SRPRA: variants seen among roughly 807,000 people sequenced by gnomAD.
SRPRA encodes SRP receptor subunit alpha, also known as signal recognition particle receptor subunit alpha.
A neutral mutation model predicts 61.1 loss-of-function variants in SRPRA; 30 were observed. The observed-to-expected ratio is 0.49, with a 90% CI of 0.37 to 0.67. The LOEUF is 0.67. SRPRA is among the 30% of genes least tolerant of loss of function. SRPRA has a pLI of 0.00. For missense variants in SRPRA, 759 were observed against 828.4 expected, an observed-to-expected ratio of 0.92 and a Z score of 1.03; for synonymous variants, 324 against 299.7, an observed-to-expected ratio of 1.08 and a Z score of -0.84.
the SRPRA span, among the ~76,000 whole-genome samples, chr11:126,255,636 A>C: frequency 1.3e-5 from 2 of 152,318 alleles, no homozygotes; most frequent in South Asian, 4.1e-4. The surrounding 1 kb of genome is among the most constrained non-coding windows in gnomAD (Gnocchi z 4.6). Context: ...ATTAAGATAT[A>C]TGAAGACCTA....
chr11:126,267,420 A>G lies in SRPRA; in HGVS notation c.366-85T>C. The G allele has an allele frequency of 6.3e-7, 1 of 1,590,018 alleles. No homozygotes were observed. The highest frequency in any genetic ancestry group is 8.6e-7 in the Non-Finnish European group (1 of 1,166,314). On this transcript the variant is annotated intron_variant, in intron 3 of 13. Transcript: ENST00000332118. This position sits in a 1 kb window ranked among gnomAD's most constrained non-coding sequence, Gnocchi z 4.2. ...CAGAGAAAGGACTCTCACACCCAAG[A>G]GGACAATGAGAACTGGGTAGCAAAT...
rs903027040 is a variant in SRPRA at position 126,263,271 on chromosome 11, A to G, written c.*645T>C. The G allele has an allele frequency of 6.6e-6, 1 of 152,584 alleles. No individual in the cohort carries two copies. The highest frequency in any genetic ancestry group is 1.9e-4 in the East Asian group (1 of 5,192). 9.5% of individuals were successfully genotyped at this position (152,584 alleles called of 1,614,324 possible). On this transcript the variant is annotated 3_prime_UTR_variant, in exon 14 of 14. Transcript: ENST00000332118. ...TTGGGAGGCCAAGAAGCCCAATGCA[A>G]CGCTGCAGCTGAGCTCCTTTTATTT...
the SRPRA span, among the ~76,000 whole-genome samples, chr11:126,239,085 G>T: frequency 6.7e-6 from 1 of 149,106 alleles, no homozygotes; most frequent in Non-Finnish European, 1.5e-5. Flanking sequence ...TGATCCTCCC[G>T]TGAACTTAGC....
chr11:126,266,803 C>A lies in SRPRA; in HGVS notation c.646G>T (p.Glu216Ter). 2.5e-6 allele frequency: 4 copies of A among 1,614,160 alleles called. No individual in the cohort carries two copies. The highest frequency in any genetic ancestry group is 3.4e-6 in the Non-Finnish European group (4 of 1,180,036). ...CCCCTCCCATGCTTCTGAATGAACT[C>A]CTCGCGCTTCCTGCGGATCAGCTCC... The part of the protein sequence containing the change: ...KEELIRRKRE[E>*]FIQKHGRGME... Residue 216 changes from glutamate to a stop codon, truncating the protein, a stop_gained, in exon 5 of 14, where the codon GAG (glutamate) becomes TAG (stop). Transcript: ENST00000332118. LOFTEE classifies it high-confidence loss of function.
At position 126,266,611 on chromosome 11, in the gene SRPRA, A is replaced by G. The variant is rs1950814372; in HGVS notation, c.705T>C (p.Asp235=). The G allele has an allele frequency of 6.2e-7, 1 of 1,614,004 alleles. No homozygotes were observed. Residue 235 remains aspartate (D), a synonymous_variant, in exon 6 of 14, where the codon GAT becomes GAC. Coordinates refer to ENST00000332118, the MANE Select transcript of SRPRA (RefSeq NM_003139.4). ...CTTTTTTGCCCTTCTCCTTTGGAGC[A>G]TCTGACTTCGTGGACTTGCTGCAAC... ...MEKSNKSTKS[D]APKEKGKKAP...
At chr11:126,254,582 C>A in the SRPRA span, 1 of 1,107,776 alleles carries the variant, frequency 9.0e-7, no homozygotes, top group Non-Finnish European at 1.3e-6. Context: ...CCTATAATCC[C>A]AACACTTTGG....
At chr11:126,237,621 G>T in the SRPRA span, among the ~76,000 whole-genome samples, 5 of 142,102 alleles carry the variant, frequency 3.5e-5, no homozygotes, top group Non-Finnish European at 6.1e-5. Flanking sequence ...CAGATCGTGA[G>T]GTCAGGAGAT....
rs1950792123 is a variant in SRPRA at position 126,265,526 on chromosome 11, C to A, written c.1139-86G>T. The A allele has an allele frequency of 1.4e-6, 2 of 1,452,962 alleles. No individual in the cohort carries two copies. Among genetic ancestry groups the A allele is most frequent in the African/African-American group, 1.4e-5 (1 of 70,994 alleles). 90.0% of individuals were successfully genotyped at this position (1,452,962 alleles called of 1,614,324 possible). On this transcript the variant is annotated intron_variant, in intron 9 of 13. Coordinates refer to ENST00000332118, the MANE Select transcript of SRPRA (RefSeq NM_003139.4). The surrounding 1 kb of genome is among the most constrained non-coding windows in gnomAD (Gnocchi z 6.3). ...CTAACACCTTTCTGAGCTAAGGGGA[C>A]TAAAACAGTAAATTAGACTCTTGTC...
the SRPRA span, among the ~76,000 whole-genome samples, chr11:126,246,741 T>G: frequency 8.5e-5 from 13 of 152,218 alleles, no homozygotes; most frequent in Admixed American, 5.2e-4. Flanking sequence ...ATGCCAATTT[T>G]TTGTTTCTTG....
rs1950748564 is a variant in SRPRA, at chr11:126,263,659, T to G, written c.*257A>C. The G allele has an allele frequency of 2.1e-6, 1 of 468,522 alleles. No homozygotes were observed. The highest frequency in any genetic ancestry group is 3.9e-6 in the Non-Finnish European group (1 of 258,852). The allele number at this position is 468,522 out of a possible 1,614,324, so 29.0% of individuals were successfully genotyped here. On this transcript the variant is annotated 3_prime_UTR_variant, in exon 14 of 14. Transcript: ENST00000332118. ...AATAAGACTGAGTCTGTAGGCAGAG[T>G]GAAGGGGGTGCCTGAGTAGGAAGGG...
In SRPRA at chr11:126,266,525, G is replaced by A; in HGVS notation, c.791C>T (p.Pro264Leu). The change falls in exon 6 of 14, where the codon CCC becomes CTC. Residue 264 changes from proline to leucine, a missense_variant. Pro to Leu is a moderately conservative substitution (Grantham distance 98). Transcript: ENST00000332118. Reference sequence around the variant, plus strand: ...AGCCTCAGGGGTTCCATTGGTGGTGGGAGTACTGTAATCCAACACTTCTTT... The same window carrying A: ...AGCCTCAGGGGTTCCATTGGTGGTGAGAGTACTGTAATCCAACACTTCTTT... ...ANKEVLDYST[P>L]TTNGTPEAAL... is the part of the protein sequence containing the mutation. The A allele has an allele frequency of 6.2e-7, 1 of 1,614,174 alleles. No homozygotes were observed. Among genetic ancestry groups the A allele is most frequent in the Non-Finnish European group, 8.5e-7 (1 of 1,180,026 alleles).
the SRPRA span, among the ~76,000 whole-genome samples, chr11:126,250,177 C>T: frequency 4.5e-3 from 683 of 151,708 alleles, 2 homozygotes; most frequent in Non-Finnish European, 7.1e-3. This position sits in a 1 kb window ranked among gnomAD's most constrained non-coding sequence, Gnocchi z 5.1. Context: ...CTGCAAGCTC[C>T]GCCTCCTGGG....
At chr11:126,242,627 C>T in the SRPRA span, among the ~76,000 whole-genome samples, 23 of 152,234 alleles carry the variant, frequency 1.5e-4, no homozygotes, top group Middle Eastern at 6.8e-3. Context: ...TAAGTGCATA[C>T]GAAAAGATGT....
Position 126,267,060 on chromosome 11 carries a change from G to T in SRPRA, c.526+115C>A. 1 of 1,524,044 alleles carries T rather than the reference G, an allele frequency of 6.6e-7. No homozygotes were observed. The highest frequency in any genetic ancestry group is 8.9e-7 in the Non-Finnish European group (1 of 1,128,818). The allele number at this position is 1,524,044 out of a possible 1,614,324, so 94.4% of individuals were successfully genotyped here. A position where few individuals can be genotyped will look rare whatever the true frequency, so the allele number is the denominator to read the frequency against. ...TCATAAGGCCTGGGGATTATAGGAT[G>T]GTGACCATTTGAGTGAGAAGCAGGT... is the stretch of plus-strand genomic sequence containing the variant. On this transcript the variant is annotated intron_variant, in intron 4 of 13. Transcript: ENST00000332118. This position sits in a 1 kb window ranked among gnomAD's most constrained non-coding sequence, Gnocchi z 4.2.
At position 126,266,919 on chromosome 11, in the gene SRPRA, G is replaced by A; in HGVS notation, c.530C>T (p.Ser177Phe). The change falls in exon 5 of 14, where the codon TCT becomes TTT. Residue 177 changes from serine to phenylalanine, a missense_variant. Coordinates refer to ENST00000332118, the MANE Select transcript of SRPRA (RefSeq NM_003139.4). ...SKKKGAKKEGSDGPLATSKPV... is the reference protein window; with the variant it reads ...SKKKGAKKEGFDGPLATSKPV... ...TTTGCTGGTAGCCAAAGGACCATCA[G>A]AACCTGTTGGGGAAAAAACTCACTG... 2 of 1,612,332 alleles carry A rather than the reference G, an allele frequency of 1.2e-6. No individual in the cohort carries two copies. Among genetic ancestry groups the A allele is most frequent in the East Asian group, 2.2e-5 (1 of 44,876 alleles).
chr11:126,247,848 A>T, the SRPRA span, among the ~76,000 whole-genome samples: 1 of 138,468 alleles, frequency 7.2e-6, no homozygotes, highest in Non-Finnish European at 1.5e-5. Flanking sequence ...ACAGATCGAG[A>T]CTCCATCTCA....
chr11:126,254,195 A>G, the SRPRA span: 4,935 of 1,304,158 alleles, frequency 3.8e-3, 120 homozygotes, highest in African/African-American at 0.051. Context: ...TCATGAAGCT[A>G]GAGAGTTTAT....
chr11:126,268,171 A>C (rs1487127289), intron 1 of SRPRA, 85 bp from the exon 2 acceptor site: 6 of 1,197,060 alleles, frequency 5.0e-6, no homozygotes, highest in Non-Finnish European at 7.4e-6. Flanking sequence ...TTTGGGAAAG[A>C]GCCAAACATT....
rs368502926 is a variant in SRPRA, at chr11:126,268,853, G to C, written c.-49C>G. On this transcript the variant is annotated 5_prime_UTR_variant, in exon 1 of 14. Coordinates refer to ENST00000332118, the MANE Select transcript of SRPRA (RefSeq NM_003139.4). ...GGCCGGCGCCGGGAATTCAGGCCGCGTTCGCCGCCGCTTCCTGCTGCGCCA... is the reference window on the plus strand; with the variant it reads ...GGCCGGCGCCGGGAATTCAGGCCGCCTTCGCCGCCGCTTCCTGCTGCGCCA... 13 of 1,472,384 alleles carry C rather than the reference G, an allele frequency of 8.8e-6. No homozygotes were observed. In the South Asian group the frequency reaches 1.3e-4, roughly 14 times the overall value. 91.2% of individuals were successfully genotyped at this position (1,472,384 alleles called of 1,614,324 possible).
Sources: gnomAD v4.1 joint callset for allele counts (sites outside exome capture counted in the v4.1 genomes callset) on GRCh38, gnomAD v4.1.1 for gene constraint, Gnocchi (gnomAD v3.1) non-coding constraint, MANE v1.5 for transcripts, NCBI Gene and HGNC (gene_info 2026-07-23, HGNC 2026-07-21) for gene names.